SCML2: variants seen among roughly 807,000 people sequenced by gnomAD.
SCML2 encodes the protein Scm polycomb group protein like 2, also known as sex comb on midleg-like protein 2.
A neutral mutation model predicts 48.4 loss-of-function variants in SCML2; 6 were observed. That is an observed-to-expected ratio of 0.12 (90% CI 0.07 to 0.24). The LOEUF (loss-of-function observed/expected upper bound fraction) is 0.24, where lower values mean the gene tolerates loss of function less well. Among genes scored for constraint, SCML2 ranks in the 10% least tolerant of loss-of-function variants. The pLI is 1.00. For missense variants in SCML2, 377 were observed against 528.2 expected (o/e 0.71, Z 2.81); for synonymous variants, 181 against 189.5 (o/e 0.95, Z 0.37).
chrX:18,295,881 TAGAG>T (rs1213719895), intron 7 of SCML2, among the ~76,000 whole-genome samples: 1 of 111,934 alleles, frequency 8.9e-6, no homozygotes, highest in Admixed American at 9.5e-5. Flanking sequence ...AAATAACTCA[TAGAG>T]AAACTTCACT....
intron 6 of SCML2, among the ~76,000 whole-genome samples, chrX:18,313,011 G>A (rs1357153660): frequency 7.5e-5 from 5 of 66,799 alleles, no homozygotes; most frequent in South Asian, 5.3e-4. Flanking sequence ...GTGTGTGCGC[G>A]TGTGTGTGTG....
chrX:18,332,433 A>G (rs991534676), intron 2 of SCML2, among the ~76,000 whole-genome samples: 2 of 112,407 alleles, frequency 1.8e-5, no homozygotes, highest in Non-Finnish European at 3.7e-5. Flanking sequence ...ATGCCATTCA[A>G]CGTAACAGAT....
At chrX:18,331,290 A>AAAAAT (rs1929652364) in intron 2 of SCML2, among the ~76,000 whole-genome samples, 1 of 105,237 alleles carries the variant, frequency 9.5e-6, no homozygotes, top group African/African-American at 3.6e-5. Flanking sequence ...AAAAAAAAAA[A>AAAAAT]TCAGTGCATC....
intron 6 of SCML2, among the ~76,000 whole-genome samples, chrX:18,306,736 T>C (rs1928770110): frequency 9.0e-6 from 1 of 111,467 alleles, no homozygotes; most frequent in Admixed American, 9.6e-5. Context: ...ACCCATCTCA[T>C]CACCCTGTAT....
intron 13 of SCML2, among the ~76,000 whole-genome samples, chrX:18,244,746 C>T (rs931116367): frequency 9.6e-6 from 1 of 104,248 alleles, no homozygotes; most frequent in African/African-American, 3.9e-5. Context: ...TGATCTGATC[C>T]CCCCCCCTCG....
chrX:18,282,171 C>G (rs1245775414), intron 7 of SCML2, among the ~76,000 whole-genome samples: 2 of 109,600 alleles, frequency 1.8e-5, no homozygotes, highest in Non-Finnish European at 3.8e-5. Context: ...TACAAAAGAT[C>G]AAGGAAACCA....
At chrX:18,285,815 GTCTT>G (rs1928034539) in intron 7 of SCML2, among the ~76,000 whole-genome samples, 1 of 111,439 alleles carries the variant, frequency 9.0e-6, no homozygotes, top group Non-Finnish European at 1.9e-5. Context: ...CCTTCTGATA[GTCTT>G]TCTTGACAAT....
At chrX:18,346,435 T>A (rs1244343208) in intron 1 of SCML2, among the ~76,000 whole-genome samples, 1 of 112,013 alleles carries the variant, frequency 8.9e-6, no homozygotes, top group Non-Finnish European at 1.9e-5. Flanking sequence ...CAAAATAATC[T>A]ATTGAAAAAA....
At chrX:18,256,018 A>G (rs1926828193) in intron 11 of SCML2, among the ~76,000 whole-genome samples, 1 of 112,507 alleles carries the variant, frequency 8.9e-6, no homozygotes, top group Non-Finnish European at 1.9e-5. Flanking sequence ...AAAAGCTGAA[A>G]GAGCTTTCTT....
intron 6 of SCML2, among the ~76,000 whole-genome samples, chrX:18,314,750 ATAATC>A (rs754349527): frequency 2.3e-4 from 26 of 111,938 alleles, no homozygotes; most frequent in African/African-American, 8.4e-4. Context: ...AAATAATAAT[ATAATC>A]TAACACATAC....
chrX:18,289,507 T>C (rs1040565315), intron 7 of SCML2, among the ~76,000 whole-genome samples: 1 of 112,043 alleles, frequency 8.9e-6, no homozygotes, highest in Non-Finnish European at 1.9e-5. Context: ...TATTTTATTA[T>C]AAACTACATT....
intron 13 of SCML2, 124 bp downstream of exon 13, chrX:18,246,453 G>C: frequency 1.5e-6 from 1 of 666,681 alleles, no homozygotes; most frequent in Non-Finnish European, 2.2e-6. Context: ...TGATGTGAAA[G>C]AGAGGACTCA....
At chrX:18,347,273 C>T (rs1424640598) in intron 1 of SCML2, among the ~76,000 whole-genome samples, 1 of 108,553 alleles carries the variant, frequency 9.2e-6, no homozygotes, top group African/African-American at 3.4e-5. Flanking sequence ...GGTAAAACCC[C>T]GTCTCTACCA....
In SCML2 at chrX:18,241,066, A is replaced by C. The variant is rs976374836; in HGVS notation, c.*185T>G. The stretch of plus-strand genomic sequence containing the variant: ...TGGGGGAGTGGCGGCTGTGTCTCCC[A>C]AAGCTGGTTGGTGACTCCAGGAAAA... On this transcript the variant is annotated 3_prime_UTR_variant, in exon 15 of 15. Transcript: ENST00000251900. 3.4e-6 allele frequency: 1 copy of C among 291,017 alleles called. No individual in the cohort carries two copies. 24.0% of individuals were successfully genotyped at this position (291,017 alleles called of 1,213,427 possible).
chrX:18,257,606 G>A (rs1263372785), intron 10 of SCML2, among the ~76,000 whole-genome samples: 1 of 110,220 alleles, frequency 9.1e-6, no homozygotes, highest in Non-Finnish European at 1.9e-5. Context: ...AAATATTACA[G>A]GCTAGGTGCG....
intron 7 of SCML2, among the ~76,000 whole-genome samples, chrX:18,268,635 G>A (rs1043085315): frequency 1.0e-5 from 1 of 99,631 alleles, no homozygotes; most frequent in Non-Finnish European, 2.1e-5. Context: ...GGGGAGGGAG[G>A]AGGGATAGCA....
At chrX:18,348,207 C>G (rs1486032785) in intron 1 of SCML2, among the ~76,000 whole-genome samples, 1 of 112,021 alleles carries the variant, frequency 8.9e-6, no homozygotes, top group Non-Finnish European at 1.9e-5. Context: ...TTGTGAAGGA[C>G]TTGAGTTAAT....
chrX:18,291,163 G>A (rs974487637), intron 7 of SCML2, among the ~76,000 whole-genome samples: 1 of 112,088 alleles, frequency 8.9e-6, no homozygotes, highest in Non-Finnish European at 1.9e-5. Context: ...CAAGGACACA[G>A]CAGCACATAT....
chrX:18,330,099 G>A (rs1428254280), intron 3 of SCML2, among the ~76,000 whole-genome samples: 2 of 111,246 alleles, frequency 1.8e-5, no homozygotes, highest in African/African-American at 6.5e-5. Flanking sequence ...AAGAAAAAAC[G>A]TCTAAGAGCT....
Sources: allele counts gnomAD v4.1 joint callset (sites outside exome capture counted in the v4.1 genomes callset), GRCh38; gene constraint gnomAD v4.1.1; transcripts MANE v1.5; gene names NCBI Gene and HGNC (gene_info 2026-07-23, HGNC 2026-07-21).